The following LCA5 variants were observed in gnomAD, a reference collection of about 807,000 sequenced individuals.
The protein encoded by LCA5 is lebercilin.
LCA5 carries 37 observed loss-of-function variants against 53.0 expected under a neutral mutation model. That is an observed-to-expected ratio of 0.70 (90% CI 0.54 to 0.92). The LOEUF is 0.92. Ranked by LOEUF, LCA5 falls within the 40% of genes least tolerant of loss-of-function variation. The probability of loss-of-function intolerance (pLI) is 0.00; values close to 1 mark genes in which losing one functional copy is unlikely to be tolerated. For synonymous variants in LCA5, 303 were observed against 282.9 expected, an observed-to-expected ratio of 1.07 and a Z score of -0.71; for missense variants, 806 against 790.5, an observed-to-expected ratio of 1.02 and a Z score of -0.23.
Position 79,493,664 on chromosome 6 carries a change from A to G in LCA5, c.807T>C (p.Asp269=), listed in dbSNP as rs1318984631. 1 of 1,613,716 alleles carries G rather than the reference A, an allele frequency of 6.2e-7. No individual in the cohort carries two copies. Among genetic ancestry groups the G allele is most frequent in the East Asian group, 2.2e-5 (1 of 44,832 alleles). ...AERKRAYEAH[D]ENKVLQKEVQ... is the part of the protein sequence containing the mutation. ...CCTCCTTTTGAAGAACTTTATTTTC[A>G]TCATGAGCCTCATATGCCCTTTTCC... The change falls in exon 4 of 8, where the codon GAT becomes GAC. Residue 269 remains aspartate, a synonymous_variant. Coordinates refer to ENST00000369846, the MANE Select transcript of LCA5 (RefSeq NM_001122769.3).
In LCA5 at chr6:79,487,683, T is replaced by C. The variant is rs751852107; in HGVS notation, c.1415A>G (p.Asn472Ser). Residue 472 changes from asparagine to serine, a missense_variant, in exon 8 of 8, where the codon AAT (asparagine) becomes AGT (serine). Coordinates refer to ENST00000369846, the MANE Select transcript of LCA5 (RefSeq NM_001122769.3). ...ATCTTGGAGTTCTCTGTCAATTTCA[T>C]TCAGTTTAGCAAGTAGCATTTCTCT... ...LKREMLLAKL[N>S]EIDRELQDSR... 8.7e-6 allele frequency: 14 copies of C among 1,613,828 alleles called. No individual in the cohort carries two copies. The highest frequency in any genetic ancestry group is 2.7e-5 in the African/African-American group (2 of 74,920).
chr6:79,502,743 TACTC>T (rs1485512923), intron 3 of LCA5, among the ~76,000 whole-genome samples: 1 of 152,196 alleles, frequency 6.6e-6, no homozygotes, highest in Non-Finnish European at 1.5e-5. Context: ...AGGAACCTAT[TACTC>T]AGCATTTAAA....
intron 6 of LCA5, 148 bp downstream of exon 6, chr6:79,491,440 C>T (rs550422075): frequency 1.1e-5 from 9 of 802,570 alleles, no homozygotes; most frequent in Middle Eastern, 3.7e-4. Flanking sequence ...ACAAAATACA[C>T]GATACCTCTT....
At chr6:79,492,206 A>G (rs1331658940) in intron 5 of LCA5, among the ~76,000 whole-genome samples, 2 of 152,038 alleles carry the variant, frequency 1.3e-5, no homozygotes, top group East Asian at 3.8e-4. Flanking sequence ...AAAACTGGTA[A>G]AAAGTATAAC....
chr6:79,500,532 A>G (rs554655613), intron 3 of LCA5, among the ~76,000 whole-genome samples: 99 of 152,194 alleles, frequency 6.5e-4, no homozygotes, highest in Non-Finnish European at 1.3e-3. Context: ...CTAAAGATTC[A>G]GATCCTTGTG....
intron 1 of LCA5, among the ~76,000 whole-genome samples, chr6:79,525,759 T>C (rs1215819643): frequency 6.9e-6 from 1 of 144,568 alleles, no homozygotes; most frequent in Non-Finnish European, 1.5e-5. Flanking sequence ...CTCGTGAAAG[T>C]TAACTTTGTA....
chr6:79,491,823 T>C (rs576113897), intron 5 of LCA5, 93 bp from the exon 6 acceptor site: 1 of 1,041,878 alleles, frequency 9.6e-7, no homozygotes, highest in East Asian at 2.6e-5. Flanking sequence ...TATGCATGTG[T>C]GTTTGCATAT....
intron 1 of LCA5, among the ~76,000 whole-genome samples, chr6:79,526,419 G>C (rs1042223862): frequency 6.6e-6 from 1 of 152,088 alleles, no homozygotes; most frequent in African/African-American, 2.4e-5. Context: ...TGGCGGGCGC[G>C]TGTAGTCCCA....
intron 4 of LCA5, among the ~76,000 whole-genome samples, 154 bp downstream of exon 4, chr6:79,493,459 C>A (rs1345665997): frequency 6.6e-6 from 1 of 151,146 alleles, no homozygotes; most frequent in Non-Finnish European, 1.5e-5. Context: ...GTAATTATAC[C>A]AACAAACCTT....
intron 3 of LCA5, among the ~76,000 whole-genome samples, chr6:79,506,492 C>T (rs564571212): frequency 1.3e-5 from 2 of 152,202 alleles, no homozygotes; most frequent in East Asian, 1.9e-4. Context: ...GGAATACAAC[C>T]CCAACAGTAA....
chr6:79,497,883 G>GA (rs1289459965), intron 3 of LCA5, among the ~76,000 whole-genome samples: 3 of 148,990 alleles, frequency 2.0e-5, no homozygotes, highest in Non-Finnish European at 4.4e-5. Flanking sequence ...TGAGTCAGGA[G>GA]AATCGCTTGA....
At chr6:79,495,286 G>A (rs1582620773) in intron 3 of LCA5, among the ~76,000 whole-genome samples, 1 of 152,130 alleles carries the variant, frequency 6.6e-6, no homozygotes, top group Non-Finnish European at 1.5e-5. Context: ...TGTCTTCCAC[G>A]AAATCAGTGC....
At chr6:79,504,712 G>A (rs1770230989) in intron 3 of LCA5, among the ~76,000 whole-genome samples, 1 of 152,082 alleles carries the variant, frequency 6.6e-6, no homozygotes, top group Non-Finnish European at 1.5e-5. Flanking sequence ...AAATTTAACA[G>A]TAATAAGGAA....
At chr6:79,517,640 T>C (rs1422042694) in intron 2 of LCA5, among the ~76,000 whole-genome samples, 1 of 152,132 alleles carries the variant, frequency 6.6e-6, no homozygotes, top group Non-Finnish European at 1.5e-5. Flanking sequence ...TTGTTATAAA[T>C]GGTTAGAAGT....
chr6:79,524,849 T>A (rs957209828), intron 1 of LCA5, among the ~76,000 whole-genome samples: 1 of 152,166 alleles, frequency 6.6e-6, no homozygotes, highest in African/African-American at 2.4e-5. Flanking sequence ...TCTGGAAATC[T>A]GTATCTTTAA....
At chr6:79,508,541 G>A (rs1375815987) in intron 3 of LCA5, among the ~76,000 whole-genome samples, 5 of 135,642 alleles carry the variant, frequency 3.7e-5, no homozygotes, top group Non-Finnish European at 6.1e-5. Flanking sequence ...TGAAATCCTA[G>A]AATGGGACAA....
chr6:79,513,802 C>T, intron 2 of LCA5, 61 bp from the exon 3 acceptor site: 1 of 1,488,602 alleles, frequency 6.7e-7, no homozygotes. Flanking sequence ...GTTATTTGTT[C>T]ATCCTAACAC....
Position 79,513,485 on chromosome 6 carries a change from C to T in LCA5, c.447G>A (p.Lys149=), listed in dbSNP as rs570777846. 19 of 1,613,824 alleles carry T rather than the reference C, an allele frequency of 1.2e-5. No homozygotes were observed. Among genetic ancestry groups the T allele is most frequent in the Non-Finnish European group, 1.4e-5 (16 of 1,179,926 alleles). The change falls in exon 3 of 8, where the codon AAG becomes AAA. Residue 149 remains lysine, a synonymous_variant. Transcript: ENST00000369846. ...LQYRQEKALN[K]FEDAENEISQ... ...AGATTTCATTTTCGGCATCTTCAAA[C>T]TTATTCAGGGCTTTCTCCTGTCTGT...
intron 3 of LCA5, among the ~76,000 whole-genome samples, chr6:79,499,602 T>C (rs1192571396): frequency 3.1e-5 from 4 of 130,498 alleles, no homozygotes. Flanking sequence ...AAAGAAACAA[T>C]CAATAAGGAA....
Sources: gnomAD v4.1 joint callset for allele counts (sites outside exome capture counted in the v4.1 genomes callset) on GRCh38, gnomAD v4.1.1 for gene constraint, MANE v1.5 for transcripts, NCBI Gene and HGNC (gene_info 2026-07-23, HGNC 2026-07-21) for gene names.